The following GCLM variants were observed in gnomAD, a reference collection of about 807,000 sequenced individuals.
The protein encoded by GCLM is glutamate-cysteine ligase modifier subunit, also known as glutamate--cysteine ligase regulatory subunit.
Under a neutral mutation model 36.0 loss-of-function variants are expected in GCLM, and 15 were observed. That is an observed-to-expected ratio of 0.42 (90% CI 0.28 to 0.64). GCLM has a LOEUF of 0.64. GCLM is among the 30% of genes least tolerant of loss of function. GCLM has a pLI of 0.25. For missense variants in GCLM, 242 were observed against 325.5 expected (o/e 0.74, Z 1.97); for synonymous variants, 129 against 122.8 (o/e 1.05, Z -0.34).
intron 2 of GCLM, among the ~76,000 whole-genome samples, chr1:93,902,303 C>T (rs528323626): frequency 2.6e-5 from 4 of 151,944 alleles, no homozygotes; most frequent in East Asian, 1.9e-4. Flanking sequence ...CTCAGTGTCC[C>T]GAGTAGCTGG....
At position 93,896,909 on chromosome 1, in the gene GCLM, G is replaced by A; in HGVS notation, c.338-89C>T. 9.6e-6 allele frequency: 7 copies of A among 732,236 alleles called. No individual in the cohort carries two copies. The South Asian group carries it at 1.1e-4, about 12-fold the overall frequency. The allele number at this position is 732,236 out of a possible 1,614,324, so 45.4% of individuals were successfully genotyped here. On this transcript the variant is annotated intron_variant, in intron 4 of 6. Transcript: ENST00000370238. ...TTTTCAAAGTATCCCACTGAATTCT[G>A]TCCATATTCTTCACTTGTTTTCAAA...
Position 93,885,579 on chromosome 1 carries a change from T to C in GCLM, c.*3411A>G, listed in dbSNP as rs1656276386. The C allele has an allele frequency of 6.6e-6, 1 of 152,192 alleles. No homozygotes were observed. Among genetic ancestry groups the C allele is most frequent in the African/African-American group, 2.4e-5 (1 of 41,454 alleles). 9.4% of individuals were successfully genotyped at this position (152,192 alleles called of 1,614,324 possible). A position where few individuals can be genotyped will look rare whatever the true frequency, so the allele number is the denominator to read the frequency against. On this transcript the variant is annotated 3_prime_UTR_variant, in exon 7 of 7. Transcript: ENST00000370238. ...GCCAACTTTACATGAAAAAGGTATA[T>C]GTTCTGGTATATTAGGAAGTTAATG...
chr1:93,906,847 A>G (rs1657162034), intron 1 of GCLM, among the ~76,000 whole-genome samples: 1 of 152,292 alleles, frequency 6.6e-6, no homozygotes, highest in South Asian at 2.1e-4. Flanking sequence ...GAATTTTTTA[A>G]ATACCATGAT....
intron 6 of GCLM, among the ~76,000 whole-genome samples, chr1:93,890,342 A>G (rs1441734616): frequency 5.3e-5 from 8 of 152,182 alleles, no homozygotes; most frequent in Non-Finnish European, 1.2e-4. Context: ...TGCATTACAA[A>G]TAAGTCTGTA....
At position 93,890,130 on chromosome 1, in the gene GCLM, G is replaced by A. The variant is rs537679856; in HGVS notation, c.656-971C>T. ...TCACCATGTTGGTCAGGCTGGTCTC[G>A]AACTCCTGACCTCAGGTGATCCACC... On this transcript the variant is annotated intron_variant, in intron 6 of 6. Transcript: ENST00000370238. Among the ~76,000 whole-genome samples the A allele has an allele frequency of 1.5e-4, 23 of 151,886 alleles. 2 individuals are homozygous for A. The highest frequency in any genetic ancestry group is 4.8e-4 in the African/African-American group (20 of 41,446).
chr1:93,890,526 T>G (rs976284301), intron 6 of GCLM, among the ~76,000 whole-genome samples: 2 of 152,196 alleles, frequency 1.3e-5, no homozygotes, highest in African/African-American at 4.8e-5. Flanking sequence ...ATAAAAACCC[T>G]TTCTAAAAAT....
At chr1:93,890,221 T>G (rs1320009622) in intron 6 of GCLM, among the ~76,000 whole-genome samples, 1 of 152,114 alleles carries the variant, frequency 6.6e-6, no homozygotes, top group Non-Finnish European at 1.5e-5. Flanking sequence ...CGAAAAATAT[T>G]TTCAAACCAA....
At chr1:93,903,467 C>A (rs533029262) in intron 2 of GCLM, among the ~76,000 whole-genome samples, 1 of 145,166 alleles carries the variant, frequency 6.9e-6, no homozygotes, top group African/African-American at 2.6e-5. Flanking sequence ...GGTACCACCA[C>A]GCCTGGCTTT....
At position 93,887,523 on chromosome 1, in the gene GCLM, T is replaced by G. The variant is rs1327762321; in HGVS notation, c.*1467A>C. The G allele has an allele frequency of 6.8e-6, 1 of 146,486 alleles. No homozygotes were observed. Among genetic ancestry groups the G allele is most frequent in the Non-Finnish European group, 1.5e-5 (1 of 67,366 alleles). 9.1% of individuals were successfully genotyped at this position (146,486 alleles called of 1,614,324 possible). A position where few individuals can be genotyped will look rare whatever the true frequency, so the allele number is the denominator to read the frequency against. ...TCTCGCTCTGTCGCCCAGGCTGGAGTGCAGTGATGTGATCTCGGCTCACTG... is the reference window on the plus strand; with the variant it reads ...TCTCGCTCTGTCGCCCAGGCTGGAGGGCAGTGATGTGATCTCGGCTCACTG... On this transcript the variant is annotated 3_prime_UTR_variant, in exon 7 of 7. Coordinates refer to ENST00000370238, the MANE Select transcript of GCLM (RefSeq NM_002061.4).
In GCLM at chr1:93,897,898, G is replaced by A; in HGVS notation, c.278C>T (p.Ala93Val). The A allele has an allele frequency of 6.5e-7, 1 of 1,537,960 alleles. No homozygotes were observed. The highest frequency in any genetic ancestry group is 8.7e-7 in the Non-Finnish European group (1 of 1,148,550). ...PDEREEMKVS[A>V]KLFIVESNSS... ...GTTTGATTCTACAATGAACAGTTTT[G>A]CTGGGTAACAAAGAAAACAAAACTG... The change falls in exon 4 of 7, where the codon GCA (alanine) becomes GTA (valine). Residue 93 changes from alanine (A) to valine (V), a missense_variant and splice_region_variant. Ala to Val is a moderately conservative substitution (Grantham distance 64). Coordinates refer to ENST00000370238, the MANE Select transcript of GCLM (RefSeq NM_002061.4).
At position 93,885,898 on chromosome 1, in the gene GCLM, G is replaced by A. The variant is rs773683666; in HGVS notation, c.*3092C>T. 4.6e-5 allele frequency: 7 copies of A among 152,158 alleles called. No homozygotes were observed. Among genetic ancestry groups the A allele is most frequent in the African/African-American group, 7.2e-5 (3 of 41,458 alleles). 9.4% of individuals were successfully genotyped at this position (152,158 alleles called of 1,614,324 possible). A position where few individuals can be genotyped will look rare whatever the true frequency, so the allele number is the denominator to read the frequency against. ...TCCTAATTTTAGTTACTGCTTGGCT[G>A]TGGTATGGGAAAGTCTGAACTATTC... On this transcript the variant is annotated 3_prime_UTR_variant, in exon 7 of 7. Coordinates refer to ENST00000370238, the MANE Select transcript of GCLM (RefSeq NM_002061.4).
intron 3 of GCLM, among the ~76,000 whole-genome samples, chr1:93,900,394 C>T (rs1256693848): frequency 2.0e-5 from 3 of 152,140 alleles, no homozygotes; most frequent in Non-Finnish European, 1.5e-5. Flanking sequence ...CAAGATGGAA[C>T]TAAATCATGA....
chr1:93,897,317 G>A (rs978867817), intron 4 of GCLM, among the ~76,000 whole-genome samples: 1 of 152,102 alleles, frequency 6.6e-6, no homozygotes, highest in African/African-American at 2.4e-5. Flanking sequence ...ATTTATAGAG[G>A]TAGATAATTT....
intron 3 of GCLM, among the ~76,000 whole-genome samples, chr1:93,900,559 T>C (rs999770388): frequency 2.6e-5 from 4 of 152,228 alleles, no homozygotes; most frequent in Non-Finnish European, 4.4e-5. Flanking sequence ...CTTCAAGTTA[T>C]TTAGTATCAC....
intron 3 of GCLM, among the ~76,000 whole-genome samples, chr1:93,898,201 A>G (rs1346856920): frequency 1.3e-5 from 2 of 149,816 alleles, no homozygotes; most frequent in East Asian, 2.0e-4. Flanking sequence ...CTTGAAATTT[A>G]TATTTTTATG....
chr1:93,897,193 C>T (rs1656762566), intron 4 of GCLM, among the ~76,000 whole-genome samples: 1 of 152,152 alleles, frequency 6.6e-6, no homozygotes, highest in Admixed American at 6.6e-5. Flanking sequence ...TACTTGCTCA[C>T]TACTATCGCA....
chr1:93,891,063 A>T (rs1296012336), intron 6 of GCLM, among the ~76,000 whole-genome samples: 1 of 151,756 alleles, frequency 6.6e-6, no homozygotes, highest in East Asian at 1.9e-4. Flanking sequence ...TATTATTATT[A>T]TTTTTGTAGA....
chr1:93,904,911 T>C (rs988592408), intron 1 of GCLM, among the ~76,000 whole-genome samples: 31 of 152,292 alleles, frequency 2.0e-4, no homozygotes, highest in Non-Finnish European at 1.8e-4. Context: ...TAGTGGCTCA[T>C]GCCTGTAATC....
chr1:93,899,043 C>T (rs1656850849), intron 3 of GCLM, among the ~76,000 whole-genome samples: 1 of 152,108 alleles, frequency 6.6e-6, no homozygotes, highest in Admixed American at 6.5e-5. Flanking sequence ...TTTTTTTCCA[C>T]TTAGGGGTGG....
Sources: allele counts gnomAD v4.1 joint callset (sites outside exome capture counted in the v4.1 genomes callset), GRCh38; gene constraint gnomAD v4.1.1; transcripts MANE v1.5; gene names NCBI Gene and HGNC (gene_info 2026-07-23, HGNC 2026-07-21).